Variants in DGKI observed in about 807,000 individuals in gnomAD.
DGKI encodes the protein diacylglycerol kinase iota, also known as DAG kinase iota.
In DGKI, 55 loss-of-function variants were observed where a neutral mutation model predicts 147.5. That is an observed-to-expected ratio of 0.37 (90% confidence interval 0.30 to 0.47). The LOEUF is 0.47. Among genes scored for constraint, DGKI ranks in the 20% least tolerant of loss-of-function variants. The pLI is 1.00. For missense variants in DGKI, 1,007 were observed against 1,323.8 expected, an observed-to-expected ratio of 0.76 and a Z score of 3.71; for synonymous variants, 469 against 477.1, an observed-to-expected ratio of 0.98 and a Z score of 0.22.
chr7:137,659,622 A>G (rs1281245581), intron 3 of DGKI, among the ~76,000 whole-genome samples: 13 of 152,262 alleles, frequency 8.5e-5, no homozygotes. Context: ...AATTAAACCA[A>G]GAAAAGTCAC....
rs1811160488 is a variant in DGKI, at chr7:137,385,753, T to C, written c.*5467A>G. 1 of 152,138 alleles carries C rather than the reference T, an allele frequency of 6.6e-6. No homozygotes were observed. Among genetic ancestry groups the C allele is most frequent in the African/African-American group, 2.4e-5 (1 of 41,440 alleles). The allele number at this position is 152,138 out of a possible 1,614,324, so 9.4% of individuals were successfully genotyped here. ...AAAATGGAAATGCAAAATATTATTC[T>C]CTTCCTACTTATGTTTTCATTGAAC... On this transcript the variant is annotated 3_prime_UTR_variant, in exon 33 of 33. Coordinates refer to ENST00000614521, the MANE Select transcript of DGKI (RefSeq NM_001321708.2).
chr7:137,490,471 A>G (rs192271996), intron 21 of DGKI, among the ~76,000 whole-genome samples: 31 of 152,338 alleles, frequency 2.0e-4, no homozygotes, highest in Admixed American at 1.8e-3. Context: ...CCAATCATCT[A>G]TCTTTTAATT....
At chr7:137,735,143 G>T (rs1454640327) in intron 1 of DGKI, among the ~76,000 whole-genome samples, 1 of 152,074 alleles carries the variant, frequency 6.6e-6, no homozygotes, top group East Asian at 1.9e-4. Flanking sequence ...AAACACGTCT[G>T]TCCCATTTAA....
intron 1 of DGKI, among the ~76,000 whole-genome samples, chr7:137,838,912 C>G (rs1798468598): frequency 1.3e-5 from 2 of 152,336 alleles, no homozygotes; most frequent in Non-Finnish European, 1.5e-5. Flanking sequence ...GGCATGCCAG[C>G]CGGCCATTGT....
intron 1 of DGKI, among the ~76,000 whole-genome samples, chr7:137,802,101 A>G (rs1454938797): frequency 6.6e-6 from 1 of 152,184 alleles, no homozygotes; most frequent in East Asian, 1.9e-4. Flanking sequence ...AGCAACCCGG[A>G]TGGAGCTGGA....
At position 137,822,747 on chromosome 7, in the gene DGKI, A is replaced by G. The variant is rs1585535051; in HGVS notation, c.401+23715T>C. Among the ~76,000 whole-genome samples the G allele has an allele frequency of 3.9e-5, 6 of 152,046 alleles. No individual in the cohort carries two copies. The South Asian group carries it at 1.2e-3, about 31-fold the overall frequency. On this transcript the variant is annotated intron_variant, in intron 1 of 32. Transcript: ENST00000614521. ...GTGAATACAACATCCAAAAATTATT[A>G]TTAATACCCTCAATGAATAAAAGAA...
intron 3 of DGKI, among the ~76,000 whole-genome samples, chr7:137,662,851 T>C (rs949123188): frequency 2.0e-5 from 3 of 152,196 alleles, no homozygotes; most frequent in African/African-American, 7.2e-5. Flanking sequence ...CCTTCTGAGA[T>C]AGCCCCCAAC....
chr7:137,749,345 T>A (rs1184921660), intron 1 of DGKI, among the ~76,000 whole-genome samples: 1 of 152,136 alleles, frequency 6.6e-6, no homozygotes, highest in Non-Finnish European at 1.5e-5. Flanking sequence ...CTGGTAGACA[T>A]CCCCTTTCAT....
intron 28 of DGKI, among the ~76,000 whole-genome samples, chr7:137,431,214 GT>G (rs1813057567): frequency 6.6e-6 from 1 of 151,516 alleles, no homozygotes; most frequent in Admixed American, 6.6e-5. Context: ...CATAGTCATG[GT>G]TTAAATCACT....
At chr7:137,656,442 C>T (rs761737462) in intron 4 of DGKI, 24 bp downstream of exon 4, 27 of 1,612,876 alleles carry the variant, frequency 1.7e-5, no homozygotes, top group Non-Finnish European at 2.3e-5. Flanking sequence ...TGTAACAAAA[C>T]TGCAGCAGGG....
At chr7:137,413,081 C>A (rs1313330067) in intron 28 of DGKI, among the ~76,000 whole-genome samples, 1 of 151,860 alleles carries the variant, frequency 6.6e-6, no homozygotes, top group African/African-American at 2.4e-5. Context: ...ACCAGCTTGG[C>A]CAACATGGTG....
chr7:137,641,091 G>A (rs986648702), intron 6 of DGKI, among the ~76,000 whole-genome samples: 2 of 152,140 alleles, frequency 1.3e-5, no homozygotes, highest in African/African-American at 4.8e-5. Context: ...TTGTGATAGT[G>A]AATGAGTCTC....
At chr7:137,712,994 C>A (rs573306087) in intron 1 of DGKI, among the ~76,000 whole-genome samples, 2 of 152,130 alleles carry the variant, frequency 1.3e-5, no homozygotes, top group Non-Finnish European at 1.5e-5. Context: ...AAGATCTAGA[C>A]AAAACACCCT....
At chr7:137,542,116 C>G (rs1298882527) in intron 20 of DGKI, among the ~76,000 whole-genome samples, 2 of 152,102 alleles carry the variant, frequency 1.3e-5, no homozygotes, top group African/African-American at 4.8e-5. Flanking sequence ...CTAACAGTAC[C>G]AAGTGCTGAT....
chr7:137,667,813 CA>C (rs1822695465), intron 3 of DGKI, among the ~76,000 whole-genome samples: 1 of 152,188 alleles, frequency 6.6e-6, no homozygotes, highest in South Asian at 2.1e-4. Flanking sequence ...ATTGTTTACT[CA>C]ACACTGTACC....
intron 27 of DGKI, among the ~76,000 whole-genome samples, chr7:137,454,554 T>C (rs1361969739): frequency 6.6e-6 from 1 of 152,204 alleles, no homozygotes; most frequent in Non-Finnish European, 1.5e-5. Context: ...CCTGACGATG[T>C]AGCCATCACA....
intron 1 of DGKI, among the ~76,000 whole-genome samples, chr7:137,758,579 G>A (rs1482594919): frequency 6.6e-6 from 1 of 152,046 alleles, no homozygotes; most frequent in Non-Finnish European, 1.5e-5. Flanking sequence ...CCAGCTACTC[G>A]GGAGGCTGAG....
intron 8 of DGKI, among the ~76,000 whole-genome samples, chr7:137,611,453 G>T (rs1422972080): frequency 6.6e-6 from 1 of 152,166 alleles, no homozygotes; most frequent in Non-Finnish European, 1.5e-5. Context: ...GATGGCAGTA[G>T]AAAGAGGAAA....
rs182643148 is a variant in DGKI at position 137,412,457 on chromosome 7, G to A, written c.2762-250C>T. 5.5e-3 allele frequency among the ~76,000 whole-genome samples: 832 copies of A among 152,212 alleles called. 4 individuals carry two copies. The highest frequency in any genetic ancestry group is 7.6e-3 in the Non-Finnish European group (519 of 68,010). Reference sequence around the variant, plus strand: ...GGTACAGTAAATATTTTAAAAACTGGAGTCACGCAAATTGGGTTCAAATCT... The same window carrying A: ...GGTACAGTAAATATTTTAAAAACTGAAGTCACGCAAATTGGGTTCAAATCT... On this transcript the variant is annotated intron_variant, in intron 28 of 32. Transcript: ENST00000614521.
Sources: allele counts gnomAD v4.1 joint callset (sites outside exome capture counted in the v4.1 genomes callset), GRCh38; gene constraint gnomAD v4.1.1; transcripts MANE v1.5; gene names NCBI Gene and HGNC (gene_info 2026-07-23, HGNC 2026-07-21).